The following HAL variants were observed in gnomAD, a reference collection of about 807,000 sequenced individuals.
The protein encoded by HAL is histidine ammonia-lyase.
A neutral mutation model predicts 81.1 loss-of-function variants in HAL; 85 were observed. The ratio of observed to expected loss-of-function variants is 1.05; its 90% CI spans 0.88 to 1.25. The LOEUF (loss-of-function observed/expected upper bound fraction) is 1.25. Ranked by LOEUF, HAL falls within the 50% of genes most tolerant of loss-of-function variation. HAL has a pLI of 0.00. For synonymous variants in HAL, 301 were observed against 309.2 expected, an observed-to-expected ratio of 0.97 and a Z score of 0.28; for missense variants, 798 against 836.6, an observed-to-expected ratio of 0.95 and a Z score of 0.57.
chr12:95,985,514 T>C (rs2136809186), intron 14 of HAL, among the ~76,000 whole-genome samples: 1 of 150,764 alleles, frequency 6.6e-6, no homozygotes, highest in Non-Finnish European at 1.5e-5. Context: ...CACTTGAACC[T>C]GGGAGGTGAA....
intron 11 of HAL, 93 bp from the exon 12 acceptor site, chr12:95,987,307 AATT>A (rs1949903546): frequency 9.8e-7 from 1 of 1,017,760 alleles, no homozygotes; most frequent in Non-Finnish European, 1.6e-6. Context: ...ATAAGAGAAA[AATT>A]AGCCAGTCAT....
Position 95,980,613 on chromosome 12 carries a change from C to T in HAL, c.1462G>A (p.Ala488Thr). The change falls in exon 17 of 21, where the codon GCT becomes ACT. Residue 488 changes from alanine to threonine, a missense_variant. Transcript: ENST00000261208. ...SLSELPAFLV[A>T]EGGLNSGFMI... is the part of the protein sequence containing the mutation. ...AACCCAGAGTTCAGACCACCTTCAG[C>T]CACCAGGAAGGCAGGCAGCTCACTG... 1 of 1,614,092 alleles carries T rather than the reference C, an allele frequency of 6.2e-7. No homozygotes were observed. The highest frequency in any genetic ancestry group is 8.5e-7 in the Non-Finnish European group (1 of 1,179,984).
rs993386463 is a variant in HAL, at chr12:95,978,422, G to A, written c.1520-344C>T. 2.0e-5 allele frequency among the ~76,000 whole-genome samples: 3 copies of A among 152,166 alleles called. No individual in the cohort carries two copies. In the South Asian group the frequency reaches 6.2e-4, roughly 31 times the overall value. On this transcript the variant is annotated intron_variant, in intron 17 of 20. Coordinates refer to ENST00000261208, the MANE Select transcript of HAL (RefSeq NM_002108.4). Reference sequence around the variant, plus strand: ...TGATGGCCATTTTCAGGTACTTGACGTCAATTTGGTTGTGTCACCAGAATT... The same window carrying A: ...TGATGGCCATTTTCAGGTACTTGACATCAATTTGGTTGTGTCACCAGAATT...
chr12:95,983,280 C>G (rs1374611353), intron 15 of HAL, among the ~76,000 whole-genome samples: 1 of 152,014 alleles, frequency 6.6e-6, no homozygotes. Flanking sequence ...TCCAGCTACT[C>G]AGGAGGCTGA....
In HAL at chr12:95,980,648, T is replaced by C. The variant is rs918016462; in HGVS notation, c.1427A>G (p.Asn476Ser). Residue 476 changes from asparagine (N) to serine (S), a missense_variant, in exon 17 of 21, where the codon AAT becomes AGT. Asn to Ser is a conservative substitution (Grantham distance 46, BLOSUM62 1). Coordinates refer to ENST00000261208, the MANE Select transcript of HAL (RefSeq NM_002108.4). ...GGCAGGCAGCTCACTGAGGGAGGGA[T>C]TGCAGAGCCGCTCGATTCTTCTCTC... The part of the protein sequence containing the change: ...ISERRIERLC[N>S]PSLSELPAFL... 3.1e-6 allele frequency: 5 copies of C among 1,614,034 alleles called. No homozygotes were observed. The highest frequency in any genetic ancestry group is 4.2e-6 in the Non-Finnish European group (5 of 1,179,910).
intron 20 of HAL, among the ~76,000 whole-genome samples, chr12:95,975,773 C>T (rs1281069023): frequency 6.6e-6 from 1 of 152,072 alleles, no homozygotes; most frequent in Non-Finnish European, 1.5e-5. Flanking sequence ...AAAATCACTG[C>T]CCCAGAGCAG....
At chr12:95,984,949 G>A (rs1949861685) in intron 14 of HAL, among the ~76,000 whole-genome samples, 1 of 152,114 alleles carries the variant, frequency 6.6e-6, no homozygotes. Context: ...ACTGAAATTT[G>A]GCACAGACCA....
At chr12:95,979,182 C>G (rs2080761999) in intron 17 of HAL, among the ~76,000 whole-genome samples, 1 of 152,182 alleles carries the variant, frequency 6.6e-6, no homozygotes, top group East Asian at 1.9e-4. Flanking sequence ...TTCCCAATGT[C>G]CATCCTGTTC....
rs886049899 is a variant in HAL, at chr12:95,973,723, T to A, written c.*509A>T. 6.3e-6 allele frequency: 1 copy of A among 158,190 alleles called. No homozygotes were observed. The allele number at this position is 158,190 out of a possible 1,614,324, so 9.8% of individuals were successfully genotyped here. On this transcript the variant is annotated 3_prime_UTR_variant, in exon 21 of 21. Transcript: ENST00000261208. ...AAAAAAGCAGCTTAAGGACAAATTA[T>A]GACTTAAAATGGTTATTTATGAAGG...
chr12:95,976,394 T>C (rs1005779650), intron 20 of HAL, 35 bp downstream of exon 20: 5 of 1,559,314 alleles, frequency 3.2e-6, no homozygotes, highest in Non-Finnish European at 4.4e-6. Context: ...CTGTAACAAT[T>C]AAAAATTAAG....
In HAL at chr12:95,976,468, C is replaced by G; in HGVS notation, c.1794G>C (p.Pro598=). The G allele has an allele frequency of 6.2e-7, 1 of 1,614,108 alleles. No individual in the cohort carries two copies. Among genetic ancestry groups the G allele is most frequent in the Non-Finnish European group, 8.5e-7 (1 of 1,179,984 alleles). Residue 598 remains proline (P), a synonymous_variant, in exon 20 of 21, where the codon CCG becomes CCC. Coordinates refer to ENST00000261208, the MANE Select transcript of HAL (RefSeq NM_002108.4). ...GCAGCCTGTGGGCTGCCTCGATGTCCGGGGCCATGAAGCGATCTTTTATCC... is the reference window on the plus strand; with the variant it reads ...GCAGCCTGTGGGCTGCCTCGATGTCGGGGGCCATGAAGCGATCTTTTATCC... ...RPWIKDRFMA[P]DIEAAHRLLL...
chr12:95,976,866 T>G (rs1256734751), intron 18 of HAL, among the ~76,000 whole-genome samples, 160 bp from the exon 19 acceptor site: 3 of 152,178 alleles, frequency 2.0e-5, no homozygotes, highest in Non-Finnish European at 4.4e-5. Flanking sequence ...AGTTGCCATT[T>G]TAACCTGTTT....
chr12:95,984,993 C>T (rs3819817), intron 14 of HAL, among the ~76,000 whole-genome samples: 75,586 of 152,016 alleles, frequency 0.5, 19,763 homozygotes, highest in South Asian at 0.65. Flanking sequence ...GGCTCTCTAA[C>T]TGTCATATGT....
At chr12:95,976,370 C>A in intron 20 of HAL, 59 bp downstream of exon 20, 1 of 1,330,510 alleles carries the variant, frequency 7.5e-7, no homozygotes, top group Non-Finnish European at 1.1e-6. Context: ...TTCTCCATCC[C>A]CGACTTTGCT....
chr12:95,981,027 A>G (rs1280653655), intron 15 of HAL, among the ~76,000 whole-genome samples, 164 bp from the exon 16 acceptor site: 1 of 152,064 alleles, frequency 6.6e-6, no homozygotes. Context: ...GCACAAAAGC[A>G]AAAAACAAAA....
At position 95,978,648 on chromosome 12, in the gene HAL, G is replaced by C. The variant is rs539315020; in HGVS notation, c.1520-570C>G. On this transcript the variant is annotated intron_variant, in intron 17 of 20. Transcript: ENST00000261208. Reference sequence around the variant, plus strand: ...TTCCAGTGCACATGAATCACTCAGGGACCTTGTTATAACAAATATACTGAG... The same window carrying C: ...TTCCAGTGCACATGAATCACTCAGGCACCTTGTTATAACAAATATACTGAG... 6.6e-5 allele frequency among the ~76,000 whole-genome samples: 10 copies of C among 152,256 alleles called. No individual in the cohort carries two copies. In the South Asian group the frequency reaches 1.9e-3, roughly 28 times the overall value.
chr12:95,990,603 GC>G, intron 9 of HAL, 71 bp from the exon 10 acceptor site: 1 of 1,198,154 alleles, frequency 8.3e-7, no homozygotes, highest in Non-Finnish European at 1.2e-6. Context: ...GCCAGTGAGT[GC>G]CCCCACTGCC....
intron 7 of HAL, 29 bp from the exon 8 acceptor site, chr12:95,993,517 G>A: frequency 6.8e-7 from 1 of 1,460,306 alleles, no homozygotes; most frequent in Non-Finnish European, 9.6e-7. Context: ...AACCCTCTTA[G>A]ATACATTGCA....
chr12:95,987,667 T>A (rs921141731), intron 11 of HAL, among the ~76,000 whole-genome samples: 5 of 152,140 alleles, frequency 3.3e-5, no homozygotes, highest in Non-Finnish European at 4.4e-5. Context: ...CGATTTGAAG[T>A]TTTAAGTTCC....
Sources: allele counts gnomAD v4.1 joint callset (sites outside exome capture counted in the v4.1 genomes callset), GRCh38; gene constraint gnomAD v4.1.1; transcripts MANE v1.5; gene names NCBI Gene and HGNC (gene_info 2026-07-23, HGNC 2026-07-21).